The following MANBAL variants were observed in gnomAD, a reference collection of about 807,000 sequenced individuals.
The protein encoded by MANBAL is mannosidase beta like, also known as protein MANBAL.
In MANBAL, 1 loss-of-function variant was observed where a neutral mutation model predicts 6.4. The observed-to-expected ratio is 0.16, with a 90% CI of 0.06 to 0.74. The LOEUF is 0.74. Ranked by LOEUF, MANBAL falls within the 30% of genes least tolerant of loss-of-function variation. The probability of loss-of-function intolerance (pLI) is 0.78; values close to 1 mark genes in which losing one functional copy is unlikely to be tolerated. For missense variants in MANBAL, 100 were observed against 107.8 expected, an observed-to-expected ratio of 0.93 and a Z score of 0.32; for synonymous variants, 47 against 45.8, an observed-to-expected ratio of 1.03 and a Z score of -0.10.
chr20:37,310,429 T>G (rs2069358481), intron 2 of MANBAL, among the ~76,000 whole-genome samples: 1 of 152,220 alleles, frequency 6.6e-6, no homozygotes, highest in African/African-American at 2.4e-5. Context: ...TATTCCTGCC[T>G]AACTCCATTG....
At chr20:37,304,930 C>A (rs1026296372) in intron 2 of MANBAL, among the ~76,000 whole-genome samples, 2 of 151,544 alleles carry the variant, frequency 1.3e-5, no homozygotes, top group African/African-American at 4.9e-5. Context: ...GACAGGGTCT[C>A]CTAAGGAGAG....
At chr20:37,307,831 A>C (rs1008267753) in intron 2 of MANBAL, among the ~76,000 whole-genome samples, 2 of 152,132 alleles carry the variant, frequency 1.3e-5, no homozygotes, top group Non-Finnish European at 2.9e-5. Context: ...TGAGTTTTGC[A>C]AGGGAAATGA....
chr20:37,309,359 G>A (rs2069329747), intron 2 of MANBAL, among the ~76,000 whole-genome samples: 1 of 152,198 alleles, frequency 6.6e-6, no homozygotes, highest in Admixed American at 6.5e-5. Context: ...TCACAGGTGG[G>A]AAGCAGGAAT....
At position 37,299,307 on chromosome 20, in the gene MANBAL, G is replaced by A. The variant is rs1468395677; in HGVS notation, c.-56-1901G>A. ...TTGTCCAGGCTGGTCTCAAACTCCT[G>A]AGCTCAAGTGATCTGCCCACCGTGG... On this transcript the variant is annotated intron_variant, in intron 1 of 2. Coordinates refer to ENST00000373606, the MANE Select transcript of MANBAL (RefSeq NM_001003897.2). Among the ~76,000 whole-genome samples, 3 of 152,096 alleles carry A rather than the reference G, an allele frequency of 2.0e-5. No individual in the cohort carries two copies. The East Asian group carries it at 5.8e-4, about 29-fold the overall frequency.
Position 37,316,442 on chromosome 20 carries a change from G to A in MANBAL, c.*27G>A. ...AGAGGAGGCCTGAGGAGCTGGGCGGGCAGGGAGAGGGTCTTGGGGACAGCC... is the reference window on the plus strand; with the variant it reads ...AGAGGAGGCCTGAGGAGCTGGGCGGACAGGGAGAGGGTCTTGGGGACAGCC... On this transcript the variant is annotated 3_prime_UTR_variant, in exon 3 of 3. Coordinates refer to ENST00000373606, the MANE Select transcript of MANBAL (RefSeq NM_001003897.2). 6.3e-7 allele frequency: 1 copy of A among 1,596,104 alleles called. No homozygotes were observed. Among genetic ancestry groups the A allele is most frequent in the Non-Finnish European group, 8.6e-7 (1 of 1,166,822 alleles).
chr20:37,293,130 A>G (rs181762841), intron 1 of MANBAL, among the ~76,000 whole-genome samples: 8 of 152,258 alleles, frequency 5.3e-5, no homozygotes, highest in African/African-American at 1.2e-4. Context: ...ATGGAAGACA[A>G]TTTTTCCACA....
chr20:37,314,722 C>T (rs945724721), intron 2 of MANBAL, among the ~76,000 whole-genome samples: 1 of 152,196 alleles, frequency 6.6e-6, no homozygotes, highest in African/African-American at 2.4e-5. Context: ...CCTTGGGGGC[C>T]TGGGACCTGG....
chr20:37,310,160 C>G (rs781714687), intron 2 of MANBAL, among the ~76,000 whole-genome samples: 1 of 152,186 alleles, frequency 6.6e-6, no homozygotes. Flanking sequence ...TCACAGTTCT[C>G]CCCGCCTGCC....
chr20:37,309,022 A>G (rs374349759), intron 2 of MANBAL, among the ~76,000 whole-genome samples: 10 of 151,942 alleles, frequency 6.6e-5, no homozygotes, highest in African/African-American at 2.4e-4. Context: ...ATTAGTGGGG[A>G]CTCTTCCTGT....
chr20:37,317,089 G>A lies in MANBAL; in HGVS notation c.*674G>A, dbSNP rs1351539390. 6.5e-6 allele frequency: 1 copy of A among 152,710 alleles called. No individual in the cohort carries two copies. Among genetic ancestry groups the A allele is most frequent in the African/African-American group, 2.4e-5 (1 of 41,466 alleles). The allele number at this position is 152,710 out of a possible 1,614,324, so 9.5% of individuals were successfully genotyped here. A position where few individuals can be genotyped will look rare whatever the true frequency, so the allele number is the denominator to read the frequency against. On this transcript the variant is annotated 3_prime_UTR_variant, in exon 3 of 3. Transcript: ENST00000373606. ...CACAAACTTCCTGAGCCTCTGAAATGGGAGGCTCGTCAATTTCAGACCAAC... is the reference window on the plus strand; with the variant it reads ...CACAAACTTCCTGAGCCTCTGAAATAGGAGGCTCGTCAATTTCAGACCAAC...
intron 1 of MANBAL, among the ~76,000 whole-genome samples, chr20:37,291,686 C>T (rs1267868022): frequency 6.6e-6 from 1 of 152,152 alleles, no homozygotes; most frequent in Non-Finnish European, 1.5e-5. Context: ...TGGGAGGGTC[C>T]TGGTGGGAGA....
chr20:37,301,113 G>A, intron 1 of MANBAL, 95 bp from the exon 2 acceptor site: 1 of 767,146 alleles, frequency 1.3e-6, no homozygotes, highest in Non-Finnish European at 1.8e-6. Context: ...TCCAGCCTGG[G>A]CGACAGAGTG....
In MANBAL at chr20:37,301,306, C is replaced by G; in HGVS notation, c.43C>G (p.Pro15Ala). The change falls in exon 2 of 3, where the codon CCC (proline) becomes GCC (alanine). Residue 15 changes from proline (P) to alanine (A), a missense_variant. Coordinates refer to ENST00000373606, the MANE Select transcript of MANBAL (RefSeq NM_001003897.2). Reference protein sequence around the residue: ...LDFSPPEVPEPTFLENLLRYG... With the variant: ...LDFSPPEVPEATFLENLLRYG... ...CTTCTCACCTCCGGAGGTGCCCGAG[C>G]CCACTTTCCTGGAGAACCTGCTACG... 6.2e-7 allele frequency: 1 copy of G among 1,611,874 alleles called. No homozygotes were observed. Among genetic ancestry groups the G allele is most frequent in the Non-Finnish European group, 8.5e-7 (1 of 1,178,470 alleles).
intron 1 of MANBAL, among the ~76,000 whole-genome samples, chr20:37,296,241 C>G (rs2068993840): frequency 6.6e-6 from 1 of 152,164 alleles, no homozygotes; most frequent in Non-Finnish European, 1.5e-5. Context: ...CTTTATTGGA[C>G]AGTATGACAT....
rs964728372 is a variant in MANBAL, at chr20:37,317,179, C to T, written c.*764C>T. The T allele has an allele frequency of 1.3e-5, 2 of 152,700 alleles. No individual in the cohort carries two copies. The highest frequency in any genetic ancestry group is 6.5e-5 in the Admixed American group (1 of 15,286). The allele number at this position is 152,700 out of a possible 1,614,324, so 9.5% of individuals were successfully genotyped here. A position where few individuals can be genotyped will look rare whatever the true frequency, so the allele number is the denominator to read the frequency against. On this transcript the variant is annotated 3_prime_UTR_variant, in exon 3 of 3. Coordinates refer to ENST00000373606, the MANE Select transcript of MANBAL (RefSeq NM_001003897.2). Reference sequence around the variant, plus strand: ...TTACTTCTACCTGTACATCCCCCATCCCTTCAATTCTTTCATTCCCTGACC... The same window carrying T: ...TTACTTCTACCTGTACATCCCCCATTCCTTCAATTCTTTCATTCCCTGACC...
intron 2 of MANBAL, among the ~76,000 whole-genome samples, chr20:37,312,914 C>A (rs1228987523): frequency 6.6e-6 from 1 of 152,182 alleles, no homozygotes; most frequent in Non-Finnish European, 1.5e-5. Flanking sequence ...AAAGTGAGGC[C>A]TGGTTTTAAG....
At chr20:37,295,308 A>G (rs891435243) in intron 1 of MANBAL, among the ~76,000 whole-genome samples, 122 of 152,244 alleles carry the variant, frequency 8.0e-4, no homozygotes, top group Non-Finnish European at 5.3e-4. Flanking sequence ...AATGGATCAA[A>G]TAGAAAACAG....
In MANBAL at chr20:37,304,597, C is replaced by T. The variant is rs189462761; in HGVS notation, c.150+3184C>T. Among the ~76,000 whole-genome samples the T allele has an allele frequency of 2.8e-4, 43 of 152,234 alleles. 1 individual carries two copies. In the South Asian group the frequency reaches 7.5e-3, roughly 26 times the overall value. On this transcript the variant is annotated intron_variant, in intron 2 of 2. Coordinates refer to ENST00000373606, the MANE Select transcript of MANBAL (RefSeq NM_001003897.2). ...CAACTTTCTTTTTTCACTTAACATACGCAATATGTTCTGGAGATCCATATA... is the reference window on the plus strand; with the variant it reads ...CAACTTTCTTTTTTCACTTAACATATGCAATATGTTCTGGAGATCCATATA...
intron 2 of MANBAL, among the ~76,000 whole-genome samples, chr20:37,315,504 A>G (rs557832634): frequency 6.6e-5 from 10 of 152,310 alleles, no homozygotes; most frequent in Admixed American, 1.3e-4. Context: ...TATCAGCACA[A>G]TGAACGCCAG....
Sources: gnomAD v4.1 joint callset for allele counts (sites outside exome capture counted in the v4.1 genomes callset) on GRCh38, gnomAD v4.1.1 for gene constraint, MANE v1.5 for transcripts, NCBI Gene and HGNC (gene_info 2026-07-23, HGNC 2026-07-21) for gene names.